Variants in HEMK2 observed in about 807,000 individuals in gnomAD.
The protein encoded by HEMK2 is HemK methyltransferase 2, ETF1 glutamine and histone H4 lysine, also known as methyltransferase HEMK2.
chr21:28,753,449 C>A, the HEMK2 span, among the ~76,000 whole-genome samples: 1 of 152,028 alleles, frequency 6.6e-6, no homozygotes, highest in Admixed American at 6.6e-5. Flanking sequence ...TGCTTTCTTG[C>A]ATATGGCCAG....
At chr21:28,579,835 T>G in the HEMK2 span, among the ~76,000 whole-genome samples, 7 of 152,174 alleles carry the variant, frequency 4.6e-5, no homozygotes, top group Non-Finnish European at 8.8e-5. Flanking sequence ...TCCTATATAT[T>G]CAAAGTTTGA....
At chr21:28,670,556 G>A in the HEMK2 span, among the ~76,000 whole-genome samples, 1 of 152,200 alleles carries the variant, frequency 6.6e-6, no homozygotes, top group African/African-American at 2.4e-5. Context: ...CTTGGAGGCT[G>A]ACATTGCAAG....
chr21:28,648,950 A>C, the HEMK2 span, among the ~76,000 whole-genome samples: 3 of 122,122 alleles, frequency 2.5e-5, no homozygotes, highest in South Asian at 2.6e-4. Context: ...CCCACCCCAC[A>C]ACAGGCCCTG....
chr21:28,631,197 G>A, the HEMK2 span, among the ~76,000 whole-genome samples: 1 of 152,148 alleles, frequency 6.6e-6, no homozygotes, highest in African/African-American at 2.4e-5. Context: ...AGCTGGTCCA[G>A]TCCCAGGAAA....
At chr21:28,643,833 A>G in the HEMK2 span, among the ~76,000 whole-genome samples, 9 of 152,244 alleles carry the variant, frequency 5.9e-5, no homozygotes, top group Non-Finnish European at 1.2e-4. Context: ...GTAATAATCA[A>G]ATGAAGTCAG....
chr21:28,739,028 A>G, the HEMK2 span, among the ~76,000 whole-genome samples: 1 of 152,232 alleles, frequency 6.6e-6, no homozygotes, highest in Non-Finnish European at 1.5e-5. Context: ...CCACAGTGAA[A>G]AAAATATATA....
the HEMK2 span, among the ~76,000 whole-genome samples, chr21:28,687,905 T>C: frequency 1.3e-5 from 2 of 152,236 alleles, no homozygotes; most frequent in African/African-American, 4.8e-5. Context: ...TTTGACTCTT[T>C]AATTTTAAGG....
chr21:28,859,852 A>G, the HEMK2 span, among the ~76,000 whole-genome samples: 1 of 152,176 alleles, frequency 6.6e-6, no homozygotes, highest in Non-Finnish European at 1.5e-5. Flanking sequence ...GTCCCCAAAA[A>G]TGATACTGTT....
the HEMK2 span, among the ~76,000 whole-genome samples, chr21:28,704,438 G>T: frequency 6.6e-6 from 1 of 151,900 alleles, no homozygotes; most frequent in Admixed American, 6.6e-5. Flanking sequence ...TATTGGATCT[G>T]GGACACCATC....
the HEMK2 span, among the ~76,000 whole-genome samples, chr21:28,684,305 C>A: frequency 2.0e-5 from 3 of 152,232 alleles, no homozygotes; most frequent in African/African-American, 7.2e-5. Context: ...AATGTCAATG[C>A]AGGCAAATGA....
chr21:28,871,112 T>G, the HEMK2 span, among the ~76,000 whole-genome samples: 2 of 152,230 alleles, frequency 1.3e-5, no homozygotes, highest in Non-Finnish European at 2.9e-5. Context: ...TTTTACATAG[T>G]ATGAAGCAAT....
the HEMK2 span, among the ~76,000 whole-genome samples, chr21:28,621,939 TTCG>T: frequency 6.6e-6 from 1 of 152,228 alleles, no homozygotes; most frequent in African/African-American, 2.4e-5. Flanking sequence ...AACGCCCTTC[TTCG>T]TCTTTTTTTA....
At chr21:28,880,367 T>C in the HEMK2 span, among the ~76,000 whole-genome samples, 1 of 152,254 alleles carries the variant, frequency 6.6e-6, no homozygotes, top group African/African-American at 2.4e-5. Context: ...TACTGTTCTA[T>C]AGTCTCTTCT....
the HEMK2 span, among the ~76,000 whole-genome samples, chr21:28,606,621 C>T: frequency 2.0e-5 from 3 of 152,102 alleles, no homozygotes; most frequent in African/African-American, 7.2e-5. Context: ...TTTTTATTAA[C>T]TCATGGTCTG....
At chr21:28,783,038 A>C in the HEMK2 span, among the ~76,000 whole-genome samples, 1 of 152,194 alleles carries the variant, frequency 6.6e-6, no homozygotes, top group Non-Finnish European at 1.5e-5. Flanking sequence ...CCCTTATCCA[A>C]AATGCTTGGG....
chr21:28,751,309 T>A, the HEMK2 span, among the ~76,000 whole-genome samples: 1 of 152,010 alleles, frequency 6.6e-6, no homozygotes, highest in African/African-American at 2.4e-5. Context: ...TACCTAATAC[T>A]TCTAAGGGGT....
At chr21:28,858,215 T>C in the HEMK2 span, among the ~76,000 whole-genome samples, 1 of 152,342 alleles carries the variant, frequency 6.6e-6, no homozygotes, top group East Asian at 1.9e-4. Context: ...TGTACCCTAG[T>C]CTACAATCTG....
the HEMK2 span, among the ~76,000 whole-genome samples, chr21:28,601,450 G>C: frequency 4.6e-5 from 7 of 152,052 alleles, no homozygotes; most frequent in Non-Finnish European, 5.9e-5. Context: ...CAGCTTCTTA[G>C]AGTTTTTGCT....
the HEMK2 span, among the ~76,000 whole-genome samples, chr21:28,608,921 T>C: frequency 6.7e-6 from 1 of 150,360 alleles, no homozygotes; most frequent in African/African-American, 2.5e-5. Flanking sequence ...CCAAGGAGAG[T>C]CTGACCTCAG....
Sources: allele counts gnomAD v4.1 joint callset (sites outside exome capture counted in the v4.1 genomes callset), GRCh38; gene constraint gnomAD v4.1.1; transcripts MANE v1.5; gene names NCBI Gene and HGNC (gene_info 2026-07-23, HGNC 2026-07-21).